IGF1: variants seen among roughly 807,000 people sequenced by gnomAD.
The protein encoded by IGF1 is insulin-like growth factor 1.
IGF1 carries 4 observed loss-of-function variants against 13.8 expected under a neutral mutation model. That is an observed-to-expected ratio of 0.29 (90% CI 0.14 to 0.66). The LOEUF (loss-of-function observed/expected upper bound fraction) is 0.66, where lower values mean the gene tolerates loss of function less well. IGF1 is among the 30% of genes least tolerant of loss of function. The pLI is 0.78. For synonymous variants in IGF1, 76 were observed against 72.6 expected, an observed-to-expected ratio of 1.05 and a Z score of -0.23; for missense variants, 124 against 188.5, an observed-to-expected ratio of 0.66 and a Z score of 2.00.
chr12:102,448,877 TC>T (rs1251001924), intron 2 of IGF1, among the ~76,000 whole-genome samples: 1 of 151,878 alleles, frequency 6.6e-6, no homozygotes, highest in Admixed American at 6.6e-5. Flanking sequence ...AGAATGGTGA[TC>T]ATTAAAAAGT....
chr12:102,431,705 A>G (rs1396187360), intron 2 of IGF1, among the ~76,000 whole-genome samples: 2 of 152,224 alleles, frequency 1.3e-5, no homozygotes, highest in East Asian at 1.9e-4. Flanking sequence ...TTGTGGGCAC[A>G]TGATGCTAAT....
chr12:102,452,952 T>C (rs1168292129), intron 2 of IGF1, among the ~76,000 whole-genome samples: 3 of 152,146 alleles, frequency 2.0e-5, no homozygotes, highest in Admixed American at 6.5e-5. Context: ...CTGTGAAAAC[T>C]TGTGACTTCA....
rs1382030004 is a variant in IGF1 at position 102,467,069 on chromosome 12, C to T, written c.220+8574G>A. Among the ~76,000 whole-genome samples, 3 of 152,128 alleles carry T rather than the reference C, an allele frequency of 2.0e-5. No homozygotes were observed. In the South Asian group the frequency reaches 6.2e-4, roughly 32 times the overall value. On this transcript the variant is annotated intron_variant, in intron 2 of 3. Transcript: ENST00000337514. ...TCCTTTCCCCAGTTTTACAGGTAATCAGGAGTTGGCTGCATGTGGGTTGGC... is the reference window on the plus strand; with the variant it reads ...TCCTTTCCCCAGTTTTACAGGTAATTAGGAGTTGGCTGCATGTGGGTTGGC...
chr12:102,429,357 T>C (rs187455138), intron 2 of IGF1, among the ~76,000 whole-genome samples: 16 of 152,360 alleles, frequency 1.1e-4, no homozygotes, highest in Non-Finnish European at 2.1e-4. Context: ...TAGAATGCCA[T>C]ATATCTTTGG....
chr12:102,458,850 A>G (rs17878871), intron 2 of IGF1, among the ~76,000 whole-genome samples: 117 of 152,092 alleles, frequency 7.7e-4, no homozygotes, highest in African/African-American at 2.7e-3. Context: ...GACATTTGAG[A>G]GAAGAAGAGA....
intron 2 of IGF1, among the ~76,000 whole-genome samples, chr12:102,472,194 G>A (rs899895251): frequency 6.6e-6 from 1 of 152,074 alleles, no homozygotes; most frequent in East Asian, 1.9e-4. Context: ...TCTTCATTGG[G>A]TCTTTCATTT....
At chr12:102,424,790 T>C (rs907441338) in intron 2 of IGF1, among the ~76,000 whole-genome samples, 1 of 152,196 alleles carries the variant, frequency 6.6e-6, no homozygotes, top group Non-Finnish European at 1.5e-5. Flanking sequence ...GTGATTATAT[T>C]ATTACCAAGA....
At chr12:102,437,676 CAA>C (rs971241603) in intron 2 of IGF1, among the ~76,000 whole-genome samples, 2 of 152,092 alleles carry the variant, frequency 1.3e-5, no homozygotes, top group East Asian at 1.9e-4. Context: ...TACAGTTAGA[CAA>C]GAGGAATAAT....
At chr12:102,426,886 C>T (rs1876252734) in intron 2 of IGF1, among the ~76,000 whole-genome samples, 1 of 152,178 alleles carries the variant, frequency 6.6e-6, no homozygotes, top group Non-Finnish European at 1.5e-5. Context: ...TTTCCTATTT[C>T]CTTTCCTCTT....
chr12:102,465,936 CAAATAAAT>C (rs3032454), intron 2 of IGF1, among the ~76,000 whole-genome samples: 77,848 of 139,130 alleles, frequency 0.56, 21,883 homozygotes, highest in South Asian at 0.58. Context: ...GACTCTGTTT[CAAATAAAT>C]AAATAAATAA....
At chr12:102,437,254 G>A (rs888442253) in intron 2 of IGF1, among the ~76,000 whole-genome samples, 10 of 152,164 alleles carry the variant, frequency 6.6e-5, no homozygotes, top group Non-Finnish European at 1.2e-4. Flanking sequence ...CGGCCACCTC[G>A]GGACTCTGCA....
intron 2 of IGF1, among the ~76,000 whole-genome samples, chr12:102,441,446 G>A (rs565893232): frequency 7.9e-5 from 12 of 152,108 alleles, no homozygotes; most frequent in East Asian, 1.9e-4. Flanking sequence ...TGCTTCCAGC[G>A]TTTTCCTGCC....
chr12:102,433,201 C>T (rs962368019), intron 2 of IGF1, among the ~76,000 whole-genome samples: 1 of 152,202 alleles, frequency 6.6e-6, no homozygotes, highest in Non-Finnish European at 1.5e-5. Flanking sequence ...GTCCTTCTTT[C>T]ACCACATTAT....
chr12:102,418,352 G>T (rs1171072381), intron 3 of IGF1, among the ~76,000 whole-genome samples: 1 of 152,210 alleles, frequency 6.6e-6, no homozygotes, highest in African/African-American at 2.4e-5. Flanking sequence ...GTGTGTGTTG[G>T]GTCTTGCCCA....
At chr12:102,442,237 C>T (rs1877929225) in intron 2 of IGF1, among the ~76,000 whole-genome samples, 1 of 151,994 alleles carries the variant, frequency 6.6e-6, no homozygotes, top group Non-Finnish European at 1.5e-5. Context: ...GAGTGAGCCA[C>T]TGCATCTGGC....
rs577655765 is a variant in IGF1, at chr12:102,442,157, C to T, written c.221-22467G>A. Among the ~76,000 whole-genome samples the T allele has an allele frequency of 2.7e-5, 4 of 150,776 alleles. No individual in the cohort carries two copies. In the East Asian group the frequency reaches 7.7e-4, roughly 29 times the overall value. ...AGAGACAGGGTCTCACTATGCTGCTCAGGCTGGTCTCGAACTCCTCAGCTC... is the reference window on the plus strand; with the variant it reads ...AGAGACAGGGTCTCACTATGCTGCTTAGGCTGGTCTCGAACTCCTCAGCTC... On this transcript the variant is annotated intron_variant, in intron 2 of 3. Transcript: ENST00000337514.
At chr12:102,476,961 C>G (rs568861422) in intron 1 of IGF1, among the ~76,000 whole-genome samples, 139 of 152,290 alleles carry the variant, frequency 9.1e-4, no homozygotes, top group Non-Finnish European at 1.9e-3. Flanking sequence ...CTTCACTTCT[C>G]TCAGATGCAT....
In IGF1 at chr12:102,475,750, C is replaced by A. The variant is rs773975902; in HGVS notation, c.113G>T (p.Cys38Phe). The change falls in exon 2 of 4, where the codon TGC (cysteine) becomes TTC (phenylalanine). Residue 38 changes from cysteine (C) to phenylalanine (F), a missense_variant. By Grantham distance (205) the Cys-to-Phe change is radical. Coordinates refer to ENST00000337514, the MANE Select transcript of IGF1 (RefSeq NM_000618.5). ...SSSHLFYLALCLLTFTSSATA... is the reference protein window; with the variant it reads ...SSSHLFYLALFLLTFTSSATA... ...GGCAGAGCTGGTGAAGGTGAGCAGG[C>A]ACAGCGCCAGGTAGAAGAGATGCGA... The A allele has an allele frequency of 5.0e-6, 8 of 1,614,066 alleles. No individual in the cohort carries two copies. In the East Asian group the frequency reaches 1.8e-4, roughly 36 times the overall value.
intron 2 of IGF1, among the ~76,000 whole-genome samples, chr12:102,460,604 A>T (rs1410118841): frequency 6.6e-6 from 1 of 152,216 alleles, no homozygotes; most frequent in Non-Finnish European, 1.5e-5. Flanking sequence ...AAAAGGAATG[A>T]GAGAATACTA....
Sources: gnomAD v4.1 joint callset for allele counts (sites outside exome capture counted in the v4.1 genomes callset) on GRCh38, gnomAD v4.1.1 for gene constraint, MANE v1.5 for transcripts, NCBI Gene and HGNC (gene_info 2026-07-23, HGNC 2026-07-21) for gene names.